Variants in BTBD9 observed in about 807,000 individuals in gnomAD.
BTBD9 encodes the protein BTB/POZ domain-containing protein 9.
In BTBD9, 49 loss-of-function variants were observed where a neutral mutation model predicts 64.3. That is an observed-to-expected ratio of 0.76 (90% confidence interval 0.61 to 0.97). The LOEUF (loss-of-function observed/expected upper bound fraction) is 0.97. Among genes scored for constraint, BTBD9 ranks in the 50% least tolerant of loss-of-function variants. The pLI is 0.00. For missense variants in BTBD9, 598 were observed against 762.1 expected, an observed-to-expected ratio of 0.78 and a Z score of 2.53; for synonymous variants, 260 against 274.7, an observed-to-expected ratio of 0.95 and a Z score of 0.53.
intron 6 of BTBD9, among the ~76,000 whole-genome samples, chr6:38,410,333 GGCATGGTA>G (rs57502261): frequency 0.017 from 2,514 of 152,096 alleles, 74 homozygotes; most frequent in African/African-American, 0.057. Context: ...AAATTAGCCA[GGCATGGTA>G]GCATGCACCT....
chr6:38,400,560 T>C (rs1443355386), intron 6 of BTBD9, among the ~76,000 whole-genome samples: 1 of 152,126 alleles, frequency 6.6e-6, no homozygotes, highest in Admixed American at 6.6e-5. Flanking sequence ...TGTAACATCT[T>C]CCCTAGGTTC....
At chr6:38,334,447 C>T (rs1490501000) in intron 7 of BTBD9, among the ~76,000 whole-genome samples, 1 of 152,066 alleles carries the variant, frequency 6.6e-6, no homozygotes, top group East Asian at 1.9e-4. Flanking sequence ...GTAATCTCAG[C>T]TACTCGGGAG....
intron 6 of BTBD9, among the ~76,000 whole-genome samples, chr6:38,426,361 C>T (rs140938163): frequency 3.0e-4 from 45 of 152,044 alleles, no homozygotes; most frequent in African/African-American, 9.4e-4. Flanking sequence ...GGACAAGGAT[C>T]GGGATATAAA....
chr6:38,530,584 C>A (rs1773755315), intron 6 of BTBD9, among the ~76,000 whole-genome samples: 1 of 97,970 alleles, frequency 1.0e-5, no homozygotes, highest in Non-Finnish European at 2.9e-5. Flanking sequence ...TAGAAAGAAC[C>A]TACATTGAAA....
intron 9 of BTBD9, among the ~76,000 whole-genome samples, chr6:38,232,818 C>T (rs923104859): frequency 6.6e-6 from 1 of 152,064 alleles, no homozygotes; most frequent in Non-Finnish European, 1.5e-5. Flanking sequence ...TTAAATGAGT[C>T]TCTCTGGATC....
intron 7 of BTBD9, among the ~76,000 whole-genome samples, chr6:38,334,744 T>G (rs1161881439): frequency 6.6e-6 from 1 of 152,090 alleles, no homozygotes; most frequent in Non-Finnish European, 1.5e-5. Context: ...TATGTATCCA[T>G]CCTTATAATA....
At chr6:38,412,617 G>C (rs1582387489) in intron 6 of BTBD9, among the ~76,000 whole-genome samples, 1 of 151,794 alleles carries the variant, frequency 6.6e-6, no homozygotes, top group East Asian at 1.9e-4. Flanking sequence ...CCAGCACTTT[G>C]GGAGGCTAAG....
intron 1 of BTBD9, among the ~76,000 whole-genome samples, chr6:38,612,090 C>T (rs553702689): frequency 6.6e-6 from 1 of 152,256 alleles, no homozygotes; most frequent in East Asian, 1.9e-4. Context: ...AAATATAAAA[C>T]TCATGGTCAG....
At chr6:38,271,708 T>C (rs1336905279) in intron 8 of BTBD9, among the ~76,000 whole-genome samples, 1 of 152,162 alleles carries the variant, frequency 6.6e-6, no homozygotes, top group Non-Finnish European at 1.5e-5. Flanking sequence ...AAAGCTGTTC[T>C]ATTTGAGCAG....
At chr6:38,393,457 A>C (rs974239572) in intron 6 of BTBD9, among the ~76,000 whole-genome samples, 1 of 152,126 alleles carries the variant, frequency 6.6e-6, no homozygotes, top group Non-Finnish European at 1.5e-5. Context: ...TCAAATCCAG[A>C]AACAGAAAGA....
chr6:38,273,353 T>A (rs1765258649), intron 8 of BTBD9, among the ~76,000 whole-genome samples: 1 of 152,140 alleles, frequency 6.6e-6, no homozygotes, highest in Non-Finnish European at 1.5e-5. Context: ...TACTATATTG[T>A]TTTGATTTGA....
intron 7 of BTBD9, among the ~76,000 whole-genome samples, chr6:38,331,205 C>A (rs983351600): frequency 6.6e-6 from 1 of 152,182 alleles, no homozygotes; most frequent in African/African-American, 2.4e-5. Flanking sequence ...ACAGGCCAGG[C>A]GTGGTGGCTT....
At chr6:38,231,727 G>A (rs1172731870) in intron 9 of BTBD9, among the ~76,000 whole-genome samples, 1 of 152,304 alleles carries the variant, frequency 6.6e-6, no homozygotes, top group African/African-American at 2.4e-5. Context: ...ACCTGAACCT[G>A]CACTGGCACC....
chr6:38,589,252 TTCTTGTAA>T (rs1382511850), intron 4 of BTBD9, among the ~76,000 whole-genome samples: 1 of 152,296 alleles, frequency 6.6e-6, no homozygotes, highest in East Asian at 1.9e-4. Context: ...TCTCCTGAGT[TTCTTGTAA>T]CCCAGGTACT....
chr6:38,577,696 A>G lies in BTBD9; in HGVS notation c.1058T>C (p.Val353Ala), dbSNP rs764308085. 3.1e-6 allele frequency: 5 copies of G among 1,608,708 alleles called. No individual in the cohort carries two copies. The African/African-American group carries it at 6.7e-5, about 22-fold the overall frequency. Residue 353 changes from valine (V) to alanine (A), a missense_variant, in exon 6 of 11, where the codon GTG becomes GCG. Physicochemically the swap from Val to Ala is moderately conservative, Grantham distance 64. Coordinates refer to ENST00000481247, the MANE Select transcript of BTBD9 (RefSeq NM_001099272.2). ...DSRSYSYFIE[V>A]SMDELDWVRV... The stretch of plus-strand genomic sequence containing the variant: ...GACCCAATCAAGTTCATCCATTGAC[A>G]CTTCAATGAAGTATGAGTAAGACCT...
chr6:38,211,435 G>GA (rs11451936), intron 9 of BTBD9, among the ~76,000 whole-genome samples: 104,167 of 134,590 alleles, frequency 0.77, 39,469 homozygotes, highest in East Asian at 0.94. Context: ...TCTCACAAAA[G>GA]AAAAAAAAAA....
At chr6:38,374,747 A>G (rs1765617331) in intron 6 of BTBD9, among the ~76,000 whole-genome samples, 1 of 152,134 alleles carries the variant, frequency 6.6e-6, no homozygotes, top group African/African-American at 2.4e-5. Flanking sequence ...CACGAAATCA[A>G]TACCTTTTAT....
chr6:38,179,066 T>C (rs1377342386), intron 10 of BTBD9, among the ~76,000 whole-genome samples: 1 of 152,140 alleles, frequency 6.6e-6, no homozygotes, highest in African/African-American at 2.4e-5. Flanking sequence ...TTGGCCAGGA[T>C]GGTCTTGATC....
intron 1 of BTBD9, among the ~76,000 whole-genome samples, chr6:38,637,662 T>C (rs189873886): frequency 6.6e-6 from 1 of 152,144 alleles, no homozygotes; most frequent in Admixed American, 6.5e-5. Flanking sequence ...AAATTTCCAA[T>C]ACAATGGCCC....
Sources: gnomAD v4.1 joint callset for allele counts (sites outside exome capture counted in the v4.1 genomes callset) on GRCh38, gnomAD v4.1.1 for gene constraint, MANE v1.5 for transcripts, NCBI Gene and HGNC (gene_info 2026-07-23, HGNC 2026-07-21) for gene names.